Variants in MAGI3 observed in about 807,000 individuals in gnomAD.
MAGI3 encodes the protein membrane-associated guanylate kinase, WW and PDZ domain-containing protein 3.
In MAGI3, 43 loss-of-function variants were observed where a neutral mutation model predicts 121.8. The observed-to-expected ratio is 0.35, with a 90% CI of 0.28 to 0.46. MAGI3 has a LOEUF of 0.46. Ranked by LOEUF, MAGI3 falls within the 20% of genes least tolerant of loss-of-function variation. MAGI3 has a pLI of 1.00. For synonymous variants in MAGI3, 553 were observed against 639.3 expected (o/e 0.86, Z 2.04); for missense variants, 1,547 against 1,797.3 (o/e 0.86, Z 2.52).
intron 1 of MAGI3, among the ~76,000 whole-genome samples, chr1:113,521,869 C>T (rs1260781494): frequency 6.6e-6 from 1 of 152,048 alleles, no homozygotes; most frequent in African/African-American, 2.4e-5. Context: ...AATTATTAGT[C>T]AGTTTTGCTT....
At chr1:113,527,360 G>T (rs1212199814) in intron 1 of MAGI3, among the ~76,000 whole-genome samples, 1 of 152,170 alleles carries the variant, frequency 6.6e-6, no homozygotes, top group Admixed American at 6.6e-5. Context: ...AGAAAGAGTT[G>T]AGGATATCAG....
chr1:113,516,713 C>A (rs141083549), intron 1 of MAGI3, among the ~76,000 whole-genome samples: 4 of 152,072 alleles, frequency 2.6e-5, no homozygotes, highest in South Asian at 4.2e-4. Context: ...GTATGAGCTA[C>A]CCATAGTGAC....
intron 1 of MAGI3, among the ~76,000 whole-genome samples, chr1:113,495,358 CT>C (rs11458302): frequency 1.9e-3 from 267 of 143,846 alleles, no homozygotes; most frequent in Admixed American, 3.3e-3. Context: ...TGAAGTACCT[CT>C]TTTTTTTTTT....
intron 1 of MAGI3, among the ~76,000 whole-genome samples, chr1:113,535,610 T>G (rs1658937920): frequency 2.0e-5 from 3 of 152,196 alleles, no homozygotes; most frequent in African/African-American, 7.2e-5. Context: ...GATCTTTTTC[T>G]AAGAGGATAT....
intron 19 of MAGI3, among the ~76,000 whole-genome samples, chr1:113,679,319 G>A (rs1434627985): frequency 6.6e-6 from 1 of 152,012 alleles, no homozygotes; most frequent in Non-Finnish European, 1.5e-5. Flanking sequence ...TGTACTCAGT[G>A]TTTAGCTCCC....
intron 4 of MAGI3, among the ~76,000 whole-genome samples, chr1:113,588,454 T>C (rs115728653): frequency 0.016 from 2,430 of 152,268 alleles, 33 homozygotes; most frequent in Middle Eastern, 0.027. Context: ...ATGTATATAA[T>C]AAAGCATCTT....
chr1:113,486,651 C>CT (rs767164528), intron 1 of MAGI3, among the ~76,000 whole-genome samples: 7,236 of 123,988 alleles, frequency 0.058, 283 homozygotes, highest in Middle Eastern at 0.1. Flanking sequence ...TCTTCAAAGT[C>CT]TTTTTTTTTT....
At chr1:113,395,633 C>CGT (rs542263004) in intron 1 of MAGI3, among the ~76,000 whole-genome samples, 2 of 151,602 alleles carry the variant, frequency 1.3e-5, no homozygotes, top group African/African-American at 4.8e-5. Context: ...TATGTATATA[C>CGT]GTGTGTGTAT....
At chr1:113,664,430 T>A (rs1026848662) in intron 16 of MAGI3, among the ~76,000 whole-genome samples, 1 of 152,200 alleles carries the variant, frequency 6.6e-6, no homozygotes, top group Non-Finnish European at 1.5e-5. Flanking sequence ...CACATATCTA[T>A]GTTACAAAAC....
intron 1 of MAGI3, among the ~76,000 whole-genome samples, chr1:113,483,118 T>A (rs1267248137): frequency 1.3e-5 from 2 of 152,222 alleles, no homozygotes; most frequent in Non-Finnish European, 1.5e-5. Flanking sequence ...CAGATCCTTT[T>A]CTTACCTTTT....
At chr1:113,594,762 G>A (rs903584095) in intron 6 of MAGI3, among the ~76,000 whole-genome samples, 1 of 151,992 alleles carries the variant, frequency 6.6e-6, no homozygotes, top group Non-Finnish European at 1.5e-5. Flanking sequence ...TTCTTTTTCA[G>A]GATTACATAA....
chr1:113,416,863 A>G (rs1358108243), intron 1 of MAGI3, among the ~76,000 whole-genome samples: 1 of 151,980 alleles, frequency 6.6e-6, no homozygotes, highest in Non-Finnish European at 1.5e-5. Flanking sequence ...AAAGTTGCAT[A>G]TTTATTAAGA....
chr1:113,554,277 A>G (rs972547164), intron 2 of MAGI3, among the ~76,000 whole-genome samples: 3 of 149,708 alleles, frequency 2.0e-5, no homozygotes, highest in Non-Finnish European at 4.5e-5. Flanking sequence ...ATATATAAAT[A>G]TTCATATGTG....
intron 2 of MAGI3, among the ~76,000 whole-genome samples, chr1:113,573,397 T>C (rs1647431321): frequency 6.6e-6 from 1 of 152,244 alleles, no homozygotes. Context: ...ACATTTTGTC[T>C]TTGTTCTCAT....
At chr1:113,450,622 T>C in intron 1 of MAGI3, 1 of 1,062,336 alleles carries the variant, frequency 9.4e-7, no homozygotes, top group Non-Finnish European at 1.5e-6. Context: ...AGCAATCAAA[T>C]TATGGACCCG....
intron 1 of MAGI3, among the ~76,000 whole-genome samples, chr1:113,513,066 C>A (rs1262877441): frequency 2.0e-5 from 3 of 152,278 alleles, no homozygotes; most frequent in African/African-American, 7.2e-5. Flanking sequence ...ATCCACCTTA[C>A]AAGGGACATG....
chr1:113,442,673 A>G (rs890541659), intron 1 of MAGI3, among the ~76,000 whole-genome samples: 3 of 151,836 alleles, frequency 2.0e-5, no homozygotes, highest in East Asian at 1.9e-4. Context: ...TATGTATTAT[A>G]TATCATACAT....
chr1:113,431,430 A>G (rs1653294395), intron 1 of MAGI3, among the ~76,000 whole-genome samples: 1 of 152,218 alleles, frequency 6.6e-6, no homozygotes, highest in Admixed American at 6.5e-5. Context: ...GATGAAAGGT[A>G]TAAGAGTTGG....
At chr1:113,525,110 C>A (rs1480880089) in intron 1 of MAGI3, among the ~76,000 whole-genome samples, 1 of 152,200 alleles carries the variant, frequency 6.6e-6, no homozygotes, top group Non-Finnish European at 1.5e-5. Context: ...CCATGTGGAA[C>A]TGTGAGTCCA....
Sources: allele counts gnomAD v4.1 joint callset (sites outside exome capture counted in the v4.1 genomes callset), GRCh38; gene constraint gnomAD v4.1.1; transcripts MANE v1.5; gene names NCBI Gene and HGNC (gene_info 2026-07-23, HGNC 2026-07-21).